The following SLC9A9 variants were observed in gnomAD, a reference collection of about 807,000 sequenced individuals.
The protein encoded by SLC9A9 is solute carrier family 9 member A9, also known as sodium/hydrogen exchanger 9.
A neutral mutation model predicts 77.8 loss-of-function variants in SLC9A9; 62 were observed. The ratio of observed to expected loss-of-function variants is 0.80; its 90% CI spans 0.65 to 0.98. The LOEUF is 0.98. Ranked by LOEUF, SLC9A9 falls within the 50% of genes least tolerant of loss-of-function variation. The pLI, the probability that SLC9A9 is intolerant of heterozygous loss-of-function variation, is 0.00. For synonymous variants in SLC9A9, 320 were observed against 283.5 expected, an observed-to-expected ratio of 1.13 and a Z score of -1.29; for missense variants, 775 against 774.9, an observed-to-expected ratio of 1.00 and a Z score of 0.00.
chr3:143,363,701 G>A, intron 13 of SLC9A9, 138 bp from the exon 14 acceptor site: 1 of 729,496 alleles, frequency 1.4e-6, no homozygotes. Flanking sequence ...TCTAAATGGT[G>A]AAGCAGTTTC....
chr3:143,819,127 T>G (rs575483144), intron 2 of SLC9A9, among the ~76,000 whole-genome samples: 18 of 152,150 alleles, frequency 1.2e-4, no homozygotes, highest in Non-Finnish European at 1.8e-4. Context: ...TCATTGAAAT[T>G]CAGAGAAGCA....
intron 7 of SLC9A9, among the ~76,000 whole-genome samples, chr3:143,575,309 A>T (rs2037340092): frequency 6.6e-6 from 1 of 152,180 alleles, no homozygotes. Flanking sequence ...AGCCAATTCT[A>T]CCTGGATTAA....
chr3:143,345,037 G>A (rs1338173612), intron 14 of SLC9A9, among the ~76,000 whole-genome samples: 2 of 152,164 alleles, frequency 1.3e-5, no homozygotes, highest in Admixed American at 1.3e-4. Context: ...CTTTTTGCTT[G>A]CATAACAGAA....
At chr3:143,377,553 A>G (rs1559889228) in intron 13 of SLC9A9, among the ~76,000 whole-genome samples, 1 of 152,252 alleles carries the variant, frequency 6.6e-6, no homozygotes, top group Non-Finnish European at 1.5e-5. Flanking sequence ...ATAAAGGACA[A>G]CCAAAACCAG....
intron 14 of SLC9A9, among the ~76,000 whole-genome samples, chr3:143,291,850 G>C (rs2108418163): frequency 6.6e-6 from 1 of 152,264 alleles, no homozygotes; most frequent in South Asian, 2.1e-4. Flanking sequence ...TCCCTTTTCT[G>C]TTTTAAAAAG....
chr3:143,300,889 TAGG>T (rs1367964861), intron 14 of SLC9A9, among the ~76,000 whole-genome samples: 1 of 152,202 alleles, frequency 6.6e-6, no homozygotes, highest in African/African-American at 2.4e-5. Flanking sequence ...CCCTTTTCCC[TAGG>T]AGATTTGCAG....
At chr3:143,396,503 T>A (rs1169135034) in intron 12 of SLC9A9, among the ~76,000 whole-genome samples, 1 of 152,098 alleles carries the variant, frequency 6.6e-6, no homozygotes, top group African/African-American at 2.4e-5. Flanking sequence ...AATGATGAGT[T>A]AATGGGTGCA....
chr3:143,767,376 A>ATGTGTGTGTGTGTGTGTGTG (rs142594079), intron 4 of SLC9A9, among the ~76,000 whole-genome samples: 35 of 141,376 alleles, frequency 2.5e-4, no homozygotes, highest in African/African-American at 8.3e-4. Context: ...GTGTCTGTGT[A>ATGTGTGTGTGTGTGTGTGTG]TGTGTGTGTG....
At chr3:143,708,562 C>T (rs1375454220) in intron 4 of SLC9A9, among the ~76,000 whole-genome samples, 1 of 152,188 alleles carries the variant, frequency 6.6e-6, no homozygotes, top group Non-Finnish European at 1.5e-5. Context: ...TCACTGCCAT[C>T]CTTCTCTCAA....
intron 15 of SLC9A9, 129 bp downstream of exon 15, chr3:143,268,732 CAAAAAAAAAAAAAA>C (rs11312794): frequency 1.3e-5 from 3 of 236,944 alleles, no homozygotes. Flanking sequence ...GACTCCGTCT[CAAAAAAAAAAAAAA>C]AAAAAAAAAA....
intron 11 of SLC9A9, among the ~76,000 whole-genome samples, chr3:143,478,246 C>T (rs1190715632): frequency 2.6e-5 from 4 of 152,220 alleles, no homozygotes; most frequent in Admixed American, 6.5e-5. Context: ...GCTTTCACTT[C>T]GACTTGTGGC....
At chr3:143,646,030 T>A (rs1221979420) in intron 6 of SLC9A9, among the ~76,000 whole-genome samples, 1 of 152,110 alleles carries the variant, frequency 6.6e-6, no homozygotes, top group Non-Finnish European at 1.5e-5. Flanking sequence ...TTCTCTTCTA[T>A]CATGGGTAGC....
In SLC9A9 at chr3:143,848,403, G is replaced by A; in HGVS notation, c.-81C>T. On this transcript the variant is annotated 5_prime_UTR_variant, in exon 1 of 16. Coordinates refer to ENST00000316549, the MANE Select transcript of SLC9A9 (RefSeq NM_173653.4). ...AAGATTTGCCTAAGACAGTCTGACTGCCTGAGAATTTCAGAAGAAACACTG... is the reference window on the plus strand; with the variant it reads ...AAGATTTGCCTAAGACAGTCTGACTACCTGAGAATTTCAGAAGAAACACTG... 1.9e-6 allele frequency: 3 copies of A among 1,580,020 alleles called. No individual in the cohort carries two copies. The South Asian group carries it at 3.3e-5, about 18-fold the overall frequency.
chr3:143,517,258 G>C, intron 9 of SLC9A9: 2 of 1,277,110 alleles, frequency 1.6e-6, no homozygotes, highest in South Asian at 2.4e-5. Flanking sequence ...CCTGCATGGC[G>C]GCAAGAACCT....
rs373202846 is a variant in SLC9A9 at position 143,832,223 on chromosome 3, T to TA, written c.176-3dup. On this transcript the variant is annotated splice_polypyrimidine_tract_variant and splice_region_variant and intron_variant, in intron 1 of 15. Transcript: ENST00000316549. ...GTAAAATTAGTCCCATTATAAGGCC[T>TA]AAAAAAAAAAGAATAAATAATGGTA... 2.9e-3 allele frequency: 4,024 copies of TA among 1,377,990 alleles called. No individual in the cohort carries two copies. The highest frequency in any genetic ancestry group is 3.3e-3 in the Non-Finnish European group (3,373 of 1,008,114). 85.4% of individuals were successfully genotyped at this position (1,377,990 alleles called of 1,614,324 possible).
chr3:143,742,367 T>G (rs1935093678), intron 4 of SLC9A9, among the ~76,000 whole-genome samples: 1 of 152,196 alleles, frequency 6.6e-6, no homozygotes, highest in South Asian at 2.1e-4. Context: ...CACAGCCGGC[T>G]CTGCGTGAAT....
chr3:143,386,067 G>T (rs953716811), intron 12 of SLC9A9, among the ~76,000 whole-genome samples: 4 of 152,054 alleles, frequency 2.6e-5, no homozygotes, highest in Non-Finnish European at 4.4e-5. Flanking sequence ...CCTCCCTTCT[G>T]TCTGATCACC....
chr3:143,425,264 CTTTTTTT>C (rs200568656), intron 12 of SLC9A9, among the ~76,000 whole-genome samples: 2 of 98,538 alleles, frequency 2.0e-5, no homozygotes, highest in African/African-American at 8.1e-5. Flanking sequence ...TGAGGCTTAG[CTTTTTTT>C]TTTTTTTTTT....
At chr3:143,841,070 G>C (rs919981277) in intron 1 of SLC9A9, among the ~76,000 whole-genome samples, 13 of 152,178 alleles carry the variant, frequency 8.5e-5, no homozygotes, top group Non-Finnish European at 1.8e-4. Flanking sequence ...AGCGATAGAG[G>C]TGAAAGAACA....
Sources: allele counts gnomAD v4.1 joint callset (sites outside exome capture counted in the v4.1 genomes callset), GRCh38; gene constraint gnomAD v4.1.1; transcripts MANE v1.5; gene names NCBI Gene and HGNC (gene_info 2026-07-23, HGNC 2026-07-21).